PICALM: variants seen among roughly 807,000 people sequenced by gnomAD.
PICALM encodes phosphatidylinositol binding clathrin assembly protein, also known as phosphatidylinositol-binding clathrin assembly protein.
Under a neutral mutation model 80.5 loss-of-function variants are expected in PICALM, and 40 were observed. The observed-to-expected ratio is 0.50, with a 90% confidence interval of 0.39 to 0.65. PICALM has a LOEUF of 0.65. Ranked by LOEUF, PICALM falls within the 30% of genes least tolerant of loss-of-function variation. The pLI, the probability that PICALM is intolerant of heterozygous loss-of-function variation, is 0.00. For synonymous variants in PICALM, 288 were observed against 260.3 expected, an observed-to-expected ratio of 1.11 and a Z score of -1.02; for missense variants, 676 against 778.9, an observed-to-expected ratio of 0.87 and a Z score of 1.57.
intron 1 of PICALM, among the ~76,000 whole-genome samples, chr11:86,037,227 G>A (rs373036913): frequency 1.8e-4 from 26 of 143,292 alleles, no homozygotes; most frequent in African/African-American, 6.6e-4. Context: ...TTACAGGCAT[G>A]AGCCACCACA....
At chr11:85,978,276 C>G in intron 17 of PICALM, 1 of 528,786 alleles carries the variant, frequency 1.9e-6, no homozygotes, top group South Asian at 2.4e-5. Flanking sequence ...TCAAGGTTGA[C>G]AAGGGAATTG....
At chr11:85,971,454 G>A (rs574536134) in intron 19 of PICALM, among the ~76,000 whole-genome samples, 8 of 152,208 alleles carry the variant, frequency 5.3e-5, no homozygotes, top group East Asian at 3.9e-4. Flanking sequence ...AGCAGATGCT[G>A]GGTGGGTACG....
At chr11:86,012,463 C>A (rs972524182) in intron 5 of PICALM, 71 bp from the exon 6 acceptor site, 8 of 842,414 alleles carry the variant, frequency 9.5e-6, no homozygotes, top group Non-Finnish European at 2.0e-6. Context: ...AGATTTCCTT[C>A]AAATTAAGAT....
chr11:85,985,598 C>T (rs1305978959), intron 13 of PICALM, among the ~76,000 whole-genome samples: 1 of 152,060 alleles, frequency 6.6e-6, no homozygotes, highest in East Asian at 1.9e-4. Context: ...CTAGACTTAC[C>T]AATTTAATAA....
chr11:86,046,313 C>T, intron 1 of PICALM, among the ~76,000 whole-genome samples: 2 of 152,242 alleles, frequency 1.3e-5, no homozygotes, highest in South Asian at 4.1e-4. Context: ...GAATCAAATT[C>T]GAGATTCATG....
chr11:85,986,552 G>A lies in PICALM; in HGVS notation c.1409-2579C>T, dbSNP rs576035219. Among the ~76,000 whole-genome samples the A allele has an allele frequency of 1.7e-3, 257 of 150,706 alleles. 1 individual carries two copies. Among genetic ancestry groups the A allele is most frequent in the Non-Finnish European group, 2.8e-3 (192 of 67,610 alleles). ...ACTACAGGCGCCCGCCACCGCGCCC[G>A]GCTAATTTTTTGTATTTTTAGTAGA... On this transcript the variant is annotated intron_variant, in intron 13 of 19. Transcript: ENST00000393346.
chr11:85,995,947 A>G (rs540413826), intron 12 of PICALM, among the ~76,000 whole-genome samples: 1 of 152,284 alleles, frequency 6.6e-6, no homozygotes, highest in South Asian at 2.1e-4. Context: ...TTAGTTTTTT[A>G]AATCAAGTTC....
At chr11:85,965,067 C>G (rs1002234967) in intron 19 of PICALM, among the ~76,000 whole-genome samples, 1 of 151,988 alleles carries the variant, frequency 6.6e-6, no homozygotes, top group African/African-American at 2.4e-5. Flanking sequence ...AGTGTTTGTT[C>G]CCTACAAAAC....
chr11:85,958,073 A>C lies in PICALM; in HGVS notation c.*973T>G, dbSNP rs2135205950. 1 of 225,992 alleles carries C rather than the reference A, an allele frequency of 4.4e-6. No individual in the cohort carries two copies. Among genetic ancestry groups the C allele is most frequent in the African/African-American group, 2.2e-5 (1 of 45,034 alleles). The allele number at this position is 225,992 out of a possible 1,614,324, so 14.0% of individuals were successfully genotyped here. ...CTAGAGTTTTAGTGAAAAGAAGGAA[A>C]GTCTTGAAGTGAAAGCAATTCCTCA... On this transcript the variant is annotated 3_prime_UTR_variant, in exon 20 of 20. Coordinates refer to ENST00000393346, the MANE Select transcript of PICALM (RefSeq NM_007166.4).
chr11:85,991,610 T>G (rs2094780830), intron 12 of PICALM, among the ~76,000 whole-genome samples: 2 of 151,980 alleles, frequency 1.3e-5, no homozygotes, highest in Admixed American at 6.6e-5. Flanking sequence ...TAAATACAAC[T>G]TTTTCTGTAG....
At chr11:86,037,997 A>C (rs1303652501) in intron 1 of PICALM, among the ~76,000 whole-genome samples, 1 of 152,142 alleles carries the variant, frequency 6.6e-6, no homozygotes, top group Non-Finnish European at 1.5e-5. Context: ...TTATCTCCTC[A>C]AGGATGTGAG....
chr11:86,003,371 T>G lies in PICALM; in HGVS notation c.888A>C (p.Ala296=). The part of the protein sequence containing the change: ...EGKKIKDSTA[A]SRATTLSNAV... ...GCCTACAAAGAATGATATACCTGCT[T>G]GCAGCTGTAGAATCTTTGATTTTCT... The change falls in exon 9 of 20, where the codon GCA becomes GCC. Residue 296 remains alanine (A), a synonymous_variant. Coordinates refer to ENST00000393346, the MANE Select transcript of PICALM (RefSeq NM_007166.4). 1 of 1,583,884 alleles carries G rather than the reference T, an allele frequency of 6.3e-7. No individual in the cohort carries two copies.
intron 1 of PICALM, among the ~76,000 whole-genome samples, chr11:86,052,667 C>T (rs2096209142): frequency 6.6e-6 from 1 of 152,188 alleles, no homozygotes; most frequent in African/African-American, 2.4e-5. Flanking sequence ...CCTGTTTTCA[C>T]ACTGGCAGCA....
chr11:85,999,262 A>G (rs1201415470), intron 11 of PICALM, among the ~76,000 whole-genome samples: 1 of 152,104 alleles, frequency 6.6e-6, no homozygotes, highest in Admixed American at 6.5e-5. Flanking sequence ...TAGTAGATAT[A>G]AACGCATTTA....
chr11:86,029,573 G>T (rs1401513089), intron 2 of PICALM, among the ~76,000 whole-genome samples: 1 of 152,090 alleles, frequency 6.6e-6, no homozygotes, highest in Admixed American at 6.5e-5. Context: ...TTTCTGTTTT[G>T]TCTTTATTAA....
At chr11:85,989,191 T>C (rs1347561877) in intron 13 of PICALM, among the ~76,000 whole-genome samples, 1 of 152,210 alleles carries the variant, frequency 6.6e-6, no homozygotes, top group East Asian at 1.9e-4. Flanking sequence ...TGGCAACTTG[T>C]ATCAAAATGA....
chr11:86,006,625 C>T (rs529095854), intron 8 of PICALM, among the ~76,000 whole-genome samples: 11 of 151,996 alleles, frequency 7.2e-5, no homozygotes, highest in South Asian at 2.1e-4. Flanking sequence ...CTAGCCTAGG[C>T]GACAATAGCA....
At chr11:86,017,560 A>G (rs2095500318) in intron 4 of PICALM, among the ~76,000 whole-genome samples, 1 of 152,210 alleles carries the variant, frequency 6.6e-6, no homozygotes, top group African/African-American at 2.4e-5. Context: ...AATTCTCACA[A>G]CAATCCTGAC....
chr11:85,974,756 C>A lies in PICALM; in HGVS notation c.1896G>T (p.Gln632His). 1 of 1,613,914 alleles carries A rather than the reference C, an allele frequency of 6.2e-7. No individual in the cohort carries two copies. Among genetic ancestry groups the A allele is most frequent in the Non-Finnish European group, 8.5e-7 (1 of 1,179,862 alleles). Residue 632 changes from glutamine to histidine, a missense_variant, in exon 19 of 20, where the codon CAG becomes CAT. Physicochemically the swap from Gln to His is conservative, Grantham distance 24. Around this residue, in one of 2 missense-constraint regions of PICALM, gnomAD observed 391 missense variants for 383.6 expected, o/e 1.02. Transcript: ENST00000393346. ...AGGGGTTTGGAGGTCTCATGACAGGCTGGCTGTATATTAAGGTTGGTTGCG... is the reference window on the plus strand; with the variant it reads ...AGGGGTTTGGAGGTCTCATGACAGGATGGCTGTATATTAAGGTTGGTTGCG... ...VMTQPTLIYS[Q>H]PVMRPPNPFG...
Sources: allele counts gnomAD v4.1 joint callset (sites outside exome capture counted in the v4.1 genomes callset), GRCh38; gene constraint gnomAD v4.1.1; regional missense constraint gnomAD v4.1.1; transcripts MANE v1.5; gene names NCBI Gene and HGNC (gene_info 2026-07-23, HGNC 2026-07-21).